Variants in NUP210 observed in about 807,000 individuals in gnomAD.
NUP210 encodes nucleoporin 210, also known as nuclear pore membrane glycoprotein 210.
NUP210 carries 151 observed loss-of-function variants against 196.0 expected under a neutral mutation model. That is an observed-to-expected ratio of 0.77 (90% CI 0.67 to 0.88). The LOEUF is 0.88. Among genes scored for constraint, NUP210 ranks in the 40% least tolerant of loss-of-function variants. NUP210 has a pLI of 0.00. For synonymous variants in NUP210, 1,070 were observed against 1,052.7 expected (o/e 1.02, Z -0.32); for missense variants, 2,314 against 2,493.7 (o/e 0.93, Z 1.53).
intron 6 of NUP210, among the ~76,000 whole-genome samples, chr3:13,381,583 C>T (rs930397563): frequency 2.0e-5 from 3 of 151,920 alleles, no homozygotes; most frequent in Non-Finnish European, 2.9e-5. Flanking sequence ...GCCTTAGATA[C>T]CCCCTGTATC....
rs775988471 is a variant in NUP210, at chr3:13,327,300, A to C, written c.4424T>G (p.Leu1475Arg). 2 of 1,613,460 alleles carry C rather than the reference A, an allele frequency of 1.2e-6. No homozygotes were observed. Among genetic ancestry groups the C allele is most frequent in the South Asian group, 1.1e-5 (1 of 91,076 alleles). Residue 1475 changes from leucine to arginine, a missense_variant, in exon 32 of 40, where the codon CTA becomes CGA. Physicochemically the swap from Leu to Arg is moderately radical, Grantham distance 102. Transcript: ENST00000254508. ...AGACAGCTCTGGGGAGATGGCCTGT[A>C]GGACAGGCAGGGGCATGAAGTCCGA... is the stretch of plus-strand genomic sequence containing the variant. The part of the protein sequence containing the change: ...GLSDFMPLPV[L>R]QAISPELSGA...
At chr3:13,395,295 TAGCA>T in intron 3 of NUP210, among the ~76,000 whole-genome samples, 1 of 152,266 alleles carries the variant, frequency 6.6e-6, no homozygotes, top group Non-Finnish European at 1.5e-5. Flanking sequence ...GGATGAGCAA[TAGCA>T]AGTGCTGGCC....
chr3:13,342,998 T>G (rs975856351), intron 21 of NUP210, among the ~76,000 whole-genome samples, 177 bp downstream of exon 21: 13 of 152,208 alleles, frequency 8.5e-5, no homozygotes, highest in African/African-American at 3.1e-4. Flanking sequence ...CTGAAGGGAC[T>G]CTGGATCCTC....
chr3:13,379,654 G>A lies in NUP210; in HGVS notation c.885C>T (p.Asp295=). 5.0e-6 allele frequency: 8 copies of A among 1,613,996 alleles called. No homozygotes were observed. Among genetic ancestry groups the A allele is most frequent in the South Asian group, 1.1e-5 (1 of 91,060 alleles). ...LQNSIPGPEG[D]PARPVAVLAQ... ...CCAAGACAGCCACCGGCCGGGCTGG[G>A]TCTCCTTCGGGGCCCGGGATGCTGT... Residue 295 remains aspartate (D), a synonymous_variant, in exon 7 of 40, where the codon GAC becomes GAT. Coordinates refer to ENST00000254508, the MANE Select transcript of NUP210 (RefSeq NM_024923.4). The surrounding 1 kb of genome is among the most constrained non-coding windows in gnomAD (Gnocchi z 4.2).
chr3:13,336,847 C>G lies in NUP210; in HGVS notation c.3624G>C (p.Leu1208=). 6.2e-7 allele frequency: 1 copy of G among 1,613,912 alleles called. No individual in the cohort carries two copies. Among genetic ancestry groups the G allele is most frequent in the Non-Finnish European group, 8.5e-7 (1 of 1,179,924 alleles). The change falls in exon 27 of 40, where the codon CTG becomes CTC. Residue 1208 remains leucine (L), a synonymous_variant. Coordinates refer to ENST00000254508, the MANE Select transcript of NUP210 (RefSeq NM_024923.4). ...GCTTGGTGACAGACCAGTGGAAGGT[C>G]AGGCCTGGCACGGCATTGCCAAAGG... The part of the protein sequence containing the change: ...PFSFGNAVPG[L]TFHWSVTKRD...
chr3:13,405,421 C>T (rs1053927658), intron 1 of NUP210, among the ~76,000 whole-genome samples: 2 of 152,140 alleles, frequency 1.3e-5, no homozygotes, highest in African/African-American at 4.8e-5. Context: ...CAGCTGAATG[C>T]AGCTCTTAGG....
rs78859011 is a variant in NUP210 at position 13,345,315 on chromosome 3, C to T, written c.2836-2012G>A. ...CCACTTCAATGTGCAAATGAGTTAA[C>T]TGAGGCCCAGATGATGGGACAGGGA... On this transcript the variant is annotated intron_variant, in intron 20 of 39. Transcript: ENST00000254508. The T allele has an allele frequency of 1.8e-4, 140 of 779,502 alleles. 2 individuals carry two copies. The East Asian group carries it at 0.011, about 61-fold the overall frequency. 48.3% of individuals were successfully genotyped at this position (779,502 alleles called of 1,614,324 possible). A position where few individuals can be genotyped will look rare whatever the true frequency, so the allele number is the denominator to read the frequency against.
At chr3:13,345,462 G>A (rs1697685013) in intron 20 of NUP210, among the ~76,000 whole-genome samples, 1 of 152,218 alleles carries the variant, frequency 6.6e-6, no homozygotes, top group South Asian at 2.1e-4. Flanking sequence ...AGCCAGAACG[G>A]AACTGCGGGG....
intron 1 of NUP210, among the ~76,000 whole-genome samples, chr3:13,416,032 G>T (rs1700338277): frequency 2.6e-5 from 4 of 152,174 alleles, no homozygotes; most frequent in Admixed American, 2.6e-4. Flanking sequence ...TGAACTGCCT[G>T]GGGTACAGCA....
chr3:13,352,148 G>C lies in NUP210; in HGVS notation c.2665C>G (p.Leu889Val), dbSNP rs1697999565. ...ACCCTCACGTCCTCCACCAGGATGAGCTCTATGGAGGCCGACAGAGGCACC... is the reference window on the plus strand; with the variant it reads ...ACCCTCACGTCCTCCACCAGGATGACCTCTATGGAGGCCGACAGAGGCACC... Reference protein sequence around the residue: ...PLVPLSASIELILVEDVRVSP... With the variant: ...PLVPLSASIEVILVEDVRVSP... Residue 889 changes from leucine (L) to valine (V), a missense_variant, in exon 19 of 40, where the codon CTC becomes GTC. Leu to Val is a conservative substitution (Grantham distance 32). Transcript: ENST00000254508. The C allele has an allele frequency of 6.2e-7, 1 of 1,613,828 alleles. No individual in the cohort carries two copies.
intron 32 of NUP210, among the ~76,000 whole-genome samples, chr3:13,327,016 C>T (rs2124836991): frequency 6.6e-6 from 1 of 152,354 alleles, no homozygotes; most frequent in Admixed American, 6.5e-5. Flanking sequence ...CAGCTGAGTG[C>T]CAACAAAAAT....
rs966539786 is a variant in NUP210 at position 13,343,168 on chromosome 3, C to T, written c.2964+7G>A. On this transcript the variant is annotated splice_region_variant and intron_variant, in intron 21 of 39. Coordinates refer to ENST00000254508, the MANE Select transcript of NUP210 (RefSeq NM_024923.4). ...CGAGGGTGCCCCGTCATGAAGCTTC[C>T]ACTGACCTTGTCAACCACACGGATG... 3 of 1,614,094 alleles carry T rather than the reference C, an allele frequency of 1.9e-6. No homozygotes were observed. The highest frequency in any genetic ancestry group is 1.7e-5 in the Admixed American group (1 of 60,020).
At chr3:13,363,184 C>T (rs748226159) in intron 14 of NUP210, among the ~76,000 whole-genome samples, 12 of 152,212 alleles carry the variant, frequency 7.9e-5, no homozygotes, top group Non-Finnish European at 1.0e-4. Flanking sequence ...CTGTTAGAAA[C>T]TGTTATGATT....
In NUP210 at chr3:13,351,927, G is replaced by T; in HGVS notation, c.2787C>A (p.Thr929=). The T allele has an allele frequency of 6.2e-7, 1 of 1,613,738 alleles. No individual in the cohort carries two copies. Among genetic ancestry groups the T allele is most frequent in the Non-Finnish European group, 8.5e-7 (1 of 1,179,708 alleles). The change falls in exon 20 of 40, where the codon ACC becomes ACA. Residue 929 remains threonine, a synonymous_variant. Coordinates refer to ENST00000254508, the MANE Select transcript of NUP210 (RefSeq NM_024923.4). ...GGTAGGCCACCTTGACAACATCTGCGGTGCTGGTGTTGAGGAAGAAGTAAC... is the reference window on the plus strand; with the variant it reads ...GGTAGGCCACCTTGACAACATCTGCTGTGCTGGTGTTGAGGAAGAAGTAAC... The part of the protein sequence containing the change: ...GSGYFFLNTS[T]ADVVKVAYQE...
rs71973199 is a variant in NUP210, at chr3:13,350,477, CAA to C, written c.2835+1400_2835+1401del. Among the ~76,000 whole-genome samples the C allele has an allele frequency of 3.5e-5, 2 of 57,258 alleles. No homozygotes were observed. The highest frequency in any genetic ancestry group is 8.6e-5 in the Non-Finnish European group (2 of 23,256). The allele number at this position is 57,258 out of a possible 152,430, so 37.6% of individuals were successfully genotyped here. On this transcript the variant is annotated intron_variant, in intron 20 of 39. Transcript: ENST00000254508. The surrounding 1 kb of genome is among the most constrained non-coding windows in gnomAD (Gnocchi z 4.1). ...CAAAACAAAACAAAACAAAACAAAA[CAA>C]AAAACAAAACAAAACAGGAAAACAT...
At chr3:13,360,780 C>G (rs969877259) in intron 14 of NUP210, among the ~76,000 whole-genome samples, 2 of 152,098 alleles carry the variant, frequency 1.3e-5, no homozygotes, top group African/African-American at 4.8e-5. Flanking sequence ...TTGAAAATAC[C>G]CACAGCCCTG....
intron 8 of NUP210, among the ~76,000 whole-genome samples, chr3:13,378,399 G>C (rs1698991783): frequency 1.3e-5 from 2 of 152,230 alleles, no homozygotes; most frequent in Non-Finnish European, 2.9e-5. Context: ...GATGCCCAGT[G>C]TACTTTTTCA....
intron 13 of NUP210, among the ~76,000 whole-genome samples, chr3:13,369,788 G>A (rs190040842): frequency 3.3e-5 from 5 of 152,350 alleles, no homozygotes; most frequent in Admixed American, 3.3e-4. Flanking sequence ...CCAGCACCGT[G>A]TTGAGAGAGT....
At chr3:13,418,632 C>G (rs1700424052) in intron 1 of NUP210, among the ~76,000 whole-genome samples, 1 of 151,672 alleles carries the variant, frequency 6.6e-6, no homozygotes, top group Non-Finnish European at 1.5e-5. Context: ...TACTAAAATG[C>G]AAAAAACTAG....
Sources: allele counts gnomAD v4.1 joint callset (sites outside exome capture counted in the v4.1 genomes callset), GRCh38; gene constraint gnomAD v4.1.1; non-coding constraint Gnocchi (gnomAD v3.1); transcripts MANE v1.5; gene names NCBI Gene and HGNC (gene_info 2026-07-23, HGNC 2026-07-21).